TOPBP1: variants seen among roughly 807,000 people sequenced by gnomAD.
The protein encoded by TOPBP1 is DNA topoisomerase II binding protein 1.
In TOPBP1, 28 loss-of-function variants were observed where a neutral mutation model predicts 167.7. The observed-to-expected ratio is 0.17, with a 90% CI of 0.12 to 0.23. The LOEUF is 0.23. Ranked by LOEUF, TOPBP1 falls within the 10% of genes least tolerant of loss-of-function variation. TOPBP1 has a pLI of 1.00. For synonymous variants in TOPBP1, 598 were observed against 611.4 expected (o/e 0.98, Z 0.32); for missense variants, 1,554 against 1,809.6 (o/e 0.86, Z 2.56).
intron 14 of TOPBP1, among the ~76,000 whole-genome samples, chr3:133,630,105 AT>A: frequency 6.6e-6 from 1 of 151,798 alleles, no homozygotes; most frequent in African/African-American, 2.4e-5. Flanking sequence ...TTTATATCTA[AT>A]TTTTTGTGAT....
chr3:133,657,936 G>C lies in TOPBP1; in HGVS notation c.225C>G (p.Gly75=), dbSNP rs764393998. The C allele has an allele frequency of 2.6e-6, 4 of 1,551,058 alleles. No homozygotes were observed. The Admixed American group carries it at 9.0e-5, about 35-fold the overall frequency. ...GVVFDHLKKL[G]CRIVGPQVVI... ...CTACTTGAGGACCAACAATTCTGCA[G>C]CCAAGCTACAAAAAAGAGAAAAGTT... The change falls in exon 4 of 28, where the codon GGC becomes GGG. Residue 75 remains glycine (G), a synonymous_variant. Transcript: ENST00000260810.
At chr3:133,605,067 C>T (rs1934444394) in intron 27 of TOPBP1, among the ~76,000 whole-genome samples, 2 of 151,600 alleles carry the variant, frequency 1.3e-5, no homozygotes, top group Non-Finnish European at 2.9e-5. Flanking sequence ...AGACTGGTGG[C>T]GTGCGCTTGT....
At chr3:133,615,074 C>CT (rs397874247) in intron 23 of TOPBP1, among the ~76,000 whole-genome samples, 213 of 144,160 alleles carry the variant, frequency 1.5e-3, no homozygotes, top group Middle Eastern at 7.2e-3. Context: ...TGACATAAAT[C>CT]TTTTTTTTTT....
In TOPBP1 at chr3:133,652,650, T is replaced by C. The variant is rs372076648; in HGVS notation, c.923-21A>G. 30 of 1,567,132 alleles carry C rather than the reference T, an allele frequency of 1.9e-5. 2 individuals carry two copies. Among genetic ancestry groups the C allele is most frequent in the East Asian group, 1.8e-4 (8 of 44,466 alleles). ...ACGACCTACATATTTTGAAAACGTA[T>C]AAATTTATGGGAGATAAAATAATCA... is the stretch of plus-strand genomic sequence containing the variant. On this transcript the variant is annotated intron_variant, in intron 7 of 27. Coordinates refer to ENST00000260810, the MANE Select transcript of TOPBP1 (RefSeq NM_007027.4).
chr3:133,619,368 G>T (rs1028742937), intron 20 of TOPBP1, among the ~76,000 whole-genome samples: 2 of 152,034 alleles, frequency 1.3e-5, no homozygotes, highest in African/African-American at 4.8e-5. Context: ...TACAGTTAGC[G>T]TAAGATAAAT....
At chr3:133,610,901 G>C (rs2107772053) in intron 25 of TOPBP1, 103 bp downstream of exon 25, 1 of 1,306,892 alleles carries the variant, frequency 7.7e-7, no homozygotes, top group East Asian at 2.4e-5. Context: ...AAAAAGACAA[G>C]TAGAATCATT....
At chr3:133,636,143 C>A (rs1357320163) in intron 14 of TOPBP1, among the ~76,000 whole-genome samples, 1 of 152,128 alleles carries the variant, frequency 6.6e-6, no homozygotes, top group South Asian at 2.1e-4. Flanking sequence ...GAAGGGTTTA[C>A]AGTACTGACC....
chr3:133,651,153 G>C lies in TOPBP1; in HGVS notation c.1090-1210C>G, dbSNP rs529118077. On this transcript the variant is annotated intron_variant, in intron 8 of 27. Transcript: ENST00000260810. ...GTTGGCAAGTTTAAAAAAAAAAAAG[G>C]TAATTTGCCGAATTTCCCTTTTTTT... is the stretch of plus-strand genomic sequence containing the variant. 6.4e-5 allele frequency among the ~76,000 whole-genome samples: 9 copies of C among 140,378 alleles called. No individual in the cohort carries two copies. The South Asian group carries it at 2.0e-3, about 32-fold the overall frequency. The allele number at this position is 140,378 out of a possible 152,430, so 92.1% of individuals were successfully genotyped here. A position where few individuals can be genotyped will look rare whatever the true frequency, so the allele number is the denominator to read the frequency against.
At chr3:133,657,968 A>T in intron 3 of TOPBP1, 27 bp from the exon 4 acceptor site, 1 of 1,503,280 alleles carries the variant, frequency 6.7e-7, no homozygotes, top group South Asian at 1.4e-5. Context: ...AGTTTAAATG[A>T]GTTAAGAAGG....
At chr3:133,614,101 C>T (rs1294383311) in intron 23 of TOPBP1, among the ~76,000 whole-genome samples, 1 of 152,040 alleles carries the variant, frequency 6.6e-6, no homozygotes, top group African/African-American at 2.4e-5. Flanking sequence ...ATATCAAGGA[C>T]TTTCTAAGAT....
intron 14 of TOPBP1, among the ~76,000 whole-genome samples, chr3:133,629,389 C>A (rs747923850): frequency 1.4e-4 from 22 of 152,066 alleles, no homozygotes; most frequent in Non-Finnish European, 2.9e-4. Context: ...TGTACACAAA[C>A]CATTTTGCAC....
chr3:133,622,008 G>C (rs1444403519), intron 19 of TOPBP1, among the ~76,000 whole-genome samples: 2 of 151,292 alleles, frequency 1.3e-5, no homozygotes, highest in African/African-American at 2.4e-5. Flanking sequence ...AAAGGGAAAG[G>C]AAGGGAAGAG....
intron 7 of TOPBP1, 81 bp downstream of exon 7, chr3:133,653,264 A>G (rs1936361949): frequency 1.6e-6 from 2 of 1,283,276 alleles, no homozygotes; most frequent in African/African-American, 3.1e-5. Context: ...TCCCTATCTC[A>G]GTGATCCTAT....
chr3:133,649,708 G>C, intron 9 of TOPBP1, 72 bp downstream of exon 9: 1 of 1,587,778 alleles, frequency 6.3e-7, no homozygotes, highest in Non-Finnish European at 8.6e-7. Context: ...GCAGTTTCCA[G>C]AACTGCGTGG....
In TOPBP1 at chr3:133,649,460, T is replaced by G. The variant is rs1355073553; in HGVS notation, c.1427A>C (p.Asp476Ala). Residue 476 changes from aspartate to alanine, a missense_variant, in exon 10 of 28, where the codon GAC becomes GCC. This residue lies in a region of TOPBP1 where 1,197 missense variants were observed against 1,351.5 expected (regional missense o/e 0.89). Coordinates refer to ENST00000260810, the MANE Select transcript of TOPBP1 (RefSeq NM_007027.4). ...CTCATGCTTTTCACTAGGAGCAAAG[T>G]CTTTCTTAGAGAAGCTGCTGTTCTT... Reference protein sequence around the residue: ...KKKNSSFSKKDFAPSEKHEQA... With the variant: ...KKKNSSFSKKAFAPSEKHEQA... 5 of 1,613,932 alleles carry G rather than the reference T, an allele frequency of 3.1e-6. No individual in the cohort carries two copies. The highest frequency in any genetic ancestry group is 3.4e-6 in the Non-Finnish European group (4 of 1,179,880).
At chr3:133,603,818 A>G (rs1295829953) in intron 27 of TOPBP1, among the ~76,000 whole-genome samples, 1 of 151,984 alleles carries the variant, frequency 6.6e-6, no homozygotes, top group African/African-American at 2.4e-5. Context: ...TCTGATCAAC[A>G]TTATCAACCA....
chr3:133,656,780 A>G lies in TOPBP1; in HGVS notation c.441T>C (p.Ile147=). The G allele has an allele frequency of 4.3e-6, 7 of 1,613,234 alleles. No homozygotes were observed. The highest frequency in any genetic ancestry group is 5.9e-6 in the Non-Finnish European group (7 of 1,179,646). Residue 147 remains isoleucine, a synonymous_variant, in exon 5 of 28, where the codon ATT becomes ATC. Coordinates refer to ENST00000260810, the MANE Select transcript of TOPBP1 (RefSeq NM_007027.4). ...ATTTTTTGCTACCAACTTCTCCTGC[A>G]ATAAGGTGAGTTACTGATACATTAA... is the stretch of plus-strand genomic sequence containing the variant. The part of the protein sequence containing the change: ...RDLNVSVTHL[I]AGEVGSKKYL...
At chr3:133,615,621 C>G (rs1934844703) in intron 23 of TOPBP1, among the ~76,000 whole-genome samples, 1 of 152,138 alleles carries the variant, frequency 6.6e-6, no homozygotes, top group Non-Finnish European at 1.5e-5. Flanking sequence ...CTGTGGCTAT[C>G]AAACACCTGA....
chr3:133,636,483 C>G (rs375198637), intron 14 of TOPBP1, among the ~76,000 whole-genome samples: 3 of 151,722 alleles, frequency 2.0e-5, no homozygotes, highest in East Asian at 3.9e-4. Context: ...TATGTGCCAT[C>G]AAAAAAGAAA....
Sources: allele counts gnomAD v4.1 joint callset (sites outside exome capture counted in the v4.1 genomes callset), GRCh38; gene constraint gnomAD v4.1.1; regional missense constraint gnomAD v4.1.1; transcripts MANE v1.5; gene names NCBI Gene and HGNC (gene_info 2026-07-23, HGNC 2026-07-21).